The following TENM2 variants were observed in gnomAD, a reference collection of about 807,000 sequenced individuals.
The protein encoded by TENM2 is teneurin transmembrane protein 2.
TENM2 carries 52 observed loss-of-function variants against 245.2 expected under a neutral mutation model. The ratio of observed to expected loss-of-function variants is 0.21; its 90% confidence interval spans 0.17 to 0.27. TENM2 has a LOEUF of 0.27. Among genes scored for constraint, TENM2 ranks in the 10% least tolerant of loss-of-function variants. TENM2 has a pLI of 1.00. For synonymous variants in TENM2, 1,363 were observed against 1,438.9 expected (o/e 0.95, Z 1.19); for missense variants, 3,046 against 3,666.8 (o/e 0.83, Z 4.37).
At position 167,502,050 on chromosome 5, in the gene TENM2, G is replaced by T. The variant is rs1056909922; in HGVS notation, c.502+126577G>T. ...GTACTAGGTCATGTTGCTTGCTCTA[G>T]ATAGTTTTGGCATGGCTAAGATGTG... On this transcript the variant is annotated intron_variant, in intron 2 of 28. Transcript: ENST00000518659. Among the ~76,000 whole-genome samples, 5 of 151,494 alleles carry T rather than the reference G, an allele frequency of 3.3e-5. No individual in the cohort carries two copies. The South Asian group carries it at 6.2e-4, about 19-fold the overall frequency.
intron 2 of TENM2, among the ~76,000 whole-genome samples, chr5:167,665,433 TAAGAGA>T (rs956409318): frequency 1.8e-4 from 27 of 151,674 alleles, no homozygotes; most frequent in African/African-American, 6.6e-4. Flanking sequence ...GAAGAGGATA[TAAGAGA>T]CCAAAAAAAA....
intron 5 of TENM2, chr5:168,033,015 G>C (rs1452687785): frequency 1.3e-5 from 2 of 152,182 alleles, no homozygotes; most frequent in African/African-American, 4.8e-5. Context: ...TTATTTCACA[G>C]ATATTACTTT....
rs1049124294 is a variant in TENM2, at chr5:168,235,104, G to A, written c.5520+6974G>A. Among the ~76,000 whole-genome samples the A allele has an allele frequency of 4.6e-5, 7 of 152,250 alleles. 1 individual carries two copies. Among genetic ancestry groups the A allele is most frequent in the East Asian group, 1.9e-4 (1 of 5,174 alleles). On this transcript the variant is annotated intron_variant, in intron 25 of 28. Coordinates refer to ENST00000518659, the Ensembl canonical transcript of TENM2. ...GTTCTGCGTGGAGCCCACTCAAGCC[G>A]GTCTGTTAACACACACAAGTCATTA...
At chr5:168,249,628 T>G (rs1038711634) in intron 27 of TENM2, among the ~76,000 whole-genome samples, 1 of 151,940 alleles carries the variant, frequency 6.6e-6, no homozygotes, top group Non-Finnish European at 1.5e-5. Flanking sequence ...ACATAGGAAG[T>G]TTGGAGAATA....
At chr5:167,438,665 G>A (rs1312572126) in intron 2 of TENM2, among the ~76,000 whole-genome samples, 3 of 152,192 alleles carry the variant, frequency 2.0e-5, no homozygotes, top group Non-Finnish European at 4.4e-5. Flanking sequence ...CCAAAGTGCT[G>A]GGATTATAGG....
chr5:167,597,153 TTCTTTTCTTTTC>T (rs1301711734), intron 2 of TENM2, among the ~76,000 whole-genome samples: 1 of 117,296 alleles, frequency 8.5e-6, no homozygotes, highest in African/African-American at 3.2e-5. Context: ...TTCTTTTCTT[TTCTTTTCTTTTC>T]TTTTTTTTTT....
At chr5:167,718,161 G>T (rs1324013072) in intron 2 of TENM2, among the ~76,000 whole-genome samples, 2 of 152,174 alleles carry the variant, frequency 1.3e-5, no homozygotes, top group Non-Finnish European at 2.9e-5. Context: ...CTTTTGCAAA[G>T]TCAAGCTCGG....
intron 2 of TENM2, among the ~76,000 whole-genome samples, chr5:167,858,715 TGCCGCGACCGACCGCAGCCGCCGCC>T (rs1404743192): frequency 4.0e-5 from 6 of 150,936 alleles, no homozygotes; most frequent in Admixed American, 1.3e-4. Context: ...GCAGAGCCGC[TGCCGCGACCGACCGCAGCCGCCGCC>T]GCCCGACCGC....
At chr5:168,125,279 G>T (rs1266714900) in intron 11 of TENM2, among the ~76,000 whole-genome samples, 1 of 152,170 alleles carries the variant, frequency 6.6e-6, no homozygotes, top group Non-Finnish European at 1.5e-5. Context: ...TGCATGAGGA[G>T]CCCAGGAGGG....
At chr5:168,110,263 T>A (rs2152312818) in intron 9 of TENM2, among the ~76,000 whole-genome samples, 1 of 152,138 alleles carries the variant, frequency 6.6e-6, no homozygotes, top group South Asian at 2.1e-4. Context: ...CCCTGTCTTG[T>A]CTCTCTACAA....
At chr5:167,577,497 A>G (rs1774785870) in intron 2 of TENM2, among the ~76,000 whole-genome samples, 2 of 152,220 alleles carry the variant, frequency 1.3e-5, no homozygotes, top group African/African-American at 2.4e-5. Flanking sequence ...TTTAGAAGGC[A>G]TAAGTGTCAG....
chr5:167,840,118 A>G (rs62382857), intron 2 of TENM2, among the ~76,000 whole-genome samples: 10,556 of 152,242 alleles, frequency 0.069, 425 homozygotes, highest in East Asian at 0.13. Flanking sequence ...ACCACACCCA[A>G]CCCAAACTTT....
At chr5:168,149,219 T>C (rs1454115621) in intron 12 of TENM2, among the ~76,000 whole-genome samples, 2 of 152,112 alleles carry the variant, frequency 1.3e-5, no homozygotes, top group African/African-American at 4.8e-5. Flanking sequence ...ACTCAATGGT[T>C]CTCTCCGCGT....
At chr5:167,999,832 GAC>G (rs1784303295) in intron 5 of TENM2, among the ~76,000 whole-genome samples, 1 of 152,200 alleles carries the variant, frequency 6.6e-6, no homozygotes, top group South Asian at 2.1e-4. Context: ...TTCTGGTCCT[GAC>G]TTTGTAGAAC....
chr5:167,651,373 A>G (rs1055606249), intron 2 of TENM2, among the ~76,000 whole-genome samples: 1 of 151,382 alleles, frequency 6.6e-6, no homozygotes, highest in African/African-American at 2.4e-5. Flanking sequence ...TGTGCAAGGT[A>G]TTTCTTATTT....
intron 12 of TENM2, among the ~76,000 whole-genome samples, chr5:168,148,925 A>T (rs10040521): frequency 0.17 from 18,874 of 114,232 alleles, 1,892 homozygotes; most frequent in Middle Eastern, 0.2. Flanking sequence ...ATAGATTGAT[A>T]GATAGCACAA....
intron 4 of TENM2, among the ~76,000 whole-genome samples, chr5:167,980,053 G>A (rs1160239220): frequency 6.6e-6 from 1 of 152,086 alleles, no homozygotes; most frequent in African/African-American, 2.4e-5. Context: ...AATAAAAATT[G>A]TTGGAACACC....
At chr5:167,626,478 G>A (rs772136526) in intron 2 of TENM2, among the ~76,000 whole-genome samples, 6 of 152,120 alleles carry the variant, frequency 3.9e-5, no homozygotes, top group Non-Finnish European at 5.9e-5. Context: ...TAAAAAGAAA[G>A]CAGAAACATG....
chr5:167,949,909 C>T (rs770235414), intron 3 of TENM2, among the ~76,000 whole-genome samples: 32 of 152,186 alleles, frequency 2.1e-4, no homozygotes, highest in Non-Finnish European at 3.5e-4. Flanking sequence ...TAATCAATGC[C>T]GTGGTGAAAA....
Sources: allele counts gnomAD v4.1 joint callset (sites outside exome capture counted in the v4.1 genomes callset), GRCh38; gene constraint gnomAD v4.1.1; transcripts MANE v1.5; gene names NCBI Gene and HGNC (gene_info 2026-07-23, HGNC 2026-07-21).